ACOT6: variants seen among roughly 807,000 people sequenced by gnomAD.
ACOT6 encodes acyl-coenzyme A thioesterase 6.
ACOT6 carries 14 observed loss-of-function variants against 12.3 expected under a neutral mutation model. The ratio of observed to expected loss-of-function variants is 1.14; its 90% CI spans 0.75 to 1.78. The LOEUF is 1.78. Ranked by LOEUF, ACOT6 falls within the 40% of genes most tolerant of loss-of-function variation. The pLI, the probability that ACOT6 is intolerant of heterozygous loss-of-function variation, is 0.00. For synonymous variants in ACOT6, 218 were observed against 231.3 expected (o/e 0.94, Z 0.52); for missense variants, 523 against 551.8 (o/e 0.95, Z 0.52).
chr14:73,612,857 C>A lies in ACOT6; in HGVS notation c.286C>A (p.Arg96Ser). Residue 96 changes from arginine to serine, a missense_variant, in exon 1 of 3, where the codon CGC (arginine) becomes AGC (serine). Transcript: ENST00000645972. ...PEKALVRLVK[R>S]DVRTPFAVEL... ...GAAAGCCTTGGTGCGGCTGGTGAAGCGCGACGTGCGGACGCCCTTCGCCGT... is the reference window on the plus strand; with the variant it reads ...GAAAGCCTTGGTGCGGCTGGTGAAGAGCGACGTGCGGACGCCCTTCGCCGT... The A allele has an allele frequency of 7.1e-7, 1 of 1,408,844 alleles. No individual in the cohort carries two copies. Among genetic ancestry groups the A allele is most frequent in the Non-Finnish European group, 9.5e-7 (1 of 1,056,354 alleles). 87.3% of individuals were successfully genotyped at this position (1,408,844 alleles called of 1,614,324 possible).
At chr14:73,615,857 G>C (rs1404831700) in intron 1 of ACOT6, among the ~76,000 whole-genome samples, 1 of 152,144 alleles carries the variant, frequency 6.6e-6, no homozygotes, top group African/African-American at 2.4e-5. Context: ...CTTGAGGCCA[G>C]GAGTTTGAGA....
intron 2 of ACOT6, 168 bp downstream of exon 2, chr14:73,617,360 G>A: frequency 1.1e-6 from 1 of 937,670 alleles, no homozygotes; most frequent in East Asian, 2.5e-5. Flanking sequence ...TGCACCTGTA[G>A]TCCCAGCTAC....
chr14:73,618,005 T>C (rs575734040), intron 2 of ACOT6, among the ~76,000 whole-genome samples: 2 of 152,036 alleles, frequency 1.3e-5, no homozygotes, highest in East Asian at 3.9e-4. Context: ...TAGCTGGGCA[T>C]GGTGGTGCAC....
At chr14:73,615,771 G>C (rs1890527942) in intron 1 of ACOT6, among the ~76,000 whole-genome samples, 1 of 149,186 alleles carries the variant, frequency 6.7e-6, no homozygotes, top group South Asian at 2.1e-4. Context: ...AAACAAACAG[G>C]CTGAGTGCAG....
In ACOT6 at chr14:73,612,832, G is replaced by A; in HGVS notation, c.261G>A (p.Glu87=). The change falls in exon 1 of 3, where the codon GAG becomes GAA. Residue 87 remains glutamate (E), a synonymous_variant. Transcript: ENST00000645972. ...PMGLLWALEP[E]KALVRLVKRD... is the part of the protein sequence containing the mutation. ...GGCTGCTGTGGGCGTTGGAGCCCGA[G>A]AAAGCCTTGGTGCGGCTGGTGAAGC... The A allele has an allele frequency of 1.4e-6, 2 of 1,425,256 alleles. No homozygotes were observed. The highest frequency in any genetic ancestry group is 1.9e-6 in the Non-Finnish European group (2 of 1,072,560). 88.3% of individuals were successfully genotyped at this position (1,425,256 alleles called of 1,614,324 possible). A position where few individuals can be genotyped will look rare whatever the true frequency, so the allele number is the denominator to read the frequency against.
intron 1 of ACOT6, 113 bp from the exon 2 acceptor site, chr14:73,616,881 G>T (rs556969973): frequency 7.3e-5 from 42 of 574,290 alleles, no homozygotes; most frequent in Non-Finnish European, 1.1e-4. Context: ...AAGACATTTT[G>T]TTCTTTCTCT....
At position 73,619,396 on chromosome 14, in the gene ACOT6, C is replaced by T. The variant is rs755439022; in HGVS notation, c.823C>T (p.Leu275Phe). Residue 275 changes from leucine to phenylalanine, a missense_variant, in exon 3 of 3, where the codon CTT becomes TTT. Physicochemically the swap from Leu to Phe is conservative, Grantham distance 22 (BLOSUM62 0). Around this residue, in one of 2 missense-constraint regions of ACOT6, gnomAD observed 219 missense variants for 277.0 expected, o/e 0.79. Coordinates refer to ENST00000645972, the MANE Select transcript of ACOT6 (RefSeq NM_001365788.1). The part of the protein sequence containing the change: ...LHYKDMIIPK[L>F]VDDLGKVKIT... The stretch of plus-strand genomic sequence containing the variant: ...TTACAAGGATATGATTATTCCTAAA[C>T]TTGTCGATGATCTAGGAAAAGTAAA... 6.2e-7 allele frequency: 1 copy of T among 1,614,162 alleles called. No individual in the cohort carries two copies. Among genetic ancestry groups the T allele is most frequent in the Non-Finnish European group, 8.5e-7 (1 of 1,180,022 alleles).
Position 73,612,644 on chromosome 14 carries a change from G to T in ACOT6, c.73G>T (p.Gly25Cys). The change falls in exon 1 of 3, where the codon GGC (glycine) becomes TGC (cysteine). Residue 25 changes from glycine to cysteine, a missense_variant. Physicochemically the swap from Gly to Cys is radical, Grantham distance 159 (BLOSUM62 -3). Coordinates refer to ENST00000645972, the MANE Select transcript of ACOT6 (RefSeq NM_001365788.1). Reference sequence around the variant, plus strand: ...CGAGCCGCTGCGCATCGCAGTGCGCGGCCTGGCCCCGGAGCAGCCAGTCAC... The same window carrying T: ...CGAGCCGCTGCGCATCGCAGTGCGCTGCCTGGCCCCGGAGCAGCCAGTCAC... ...WDEPLRIAVRGLAPEQPVTLR... is the reference protein window; with the variant it reads ...WDEPLRIAVRCLAPEQPVTLR... The T allele has an allele frequency of 2.9e-6, 4 of 1,402,712 alleles. No homozygotes were observed. The highest frequency in any genetic ancestry group is 3.7e-6 in the Non-Finnish European group (4 of 1,078,816). 86.9% of individuals were successfully genotyped at this position (1,402,712 alleles called of 1,614,324 possible).
Position 73,619,725 on chromosome 14 carries a change from T to G in ACOT6, c.1152T>G (p.Tyr384Ter). 6.2e-7 allele frequency: 1 copy of G among 1,614,108 alleles called. No individual in the cohort carries two copies. The highest frequency in any genetic ancestry group is 8.5e-7 in the Non-Finnish European group (1 of 1,180,020). Residue 384 changes from tyrosine to a stop codon, truncating the protein, a stop_gained, in exon 3 of 3, where the codon TAT becomes TAG. Coordinates refer to ENST00000645972, the MANE Select transcript of ACOT6 (RefSeq NM_001365788.1). LOFTEE classifies it high-confidence loss of function. Reference protein sequence around the residue: ...VHAVLGEAIFYGGEPKAHSKA... With the variant: ...VHAVLGEAIF ...CTGTTTTGGGTGAGGCAATATTCTA[T>G]GGAGGTGAGCCAAAGGCTCACTCAA...
intron 1 of ACOT6, among the ~76,000 whole-genome samples, chr14:73,613,766 T>C (rs1316819548): frequency 1.3e-5 from 2 of 152,078 alleles, no homozygotes; most frequent in African/African-American, 4.8e-5. Flanking sequence ...TTGCTGAAAA[T>C]GTCTGTACTA....
At chr14:73,615,489 G>A (rs577964029) in intron 1 of ACOT6, among the ~76,000 whole-genome samples, 11 of 150,854 alleles carry the variant, frequency 7.3e-5, no homozygotes, top group African/African-American at 2.0e-4. Context: ...CCAACACTTC[G>A]GGAGGCCAAG....
Position 73,612,915 on chromosome 14 carries a change from A to G in ACOT6, c.344A>G (p.Glu115Gly). 3 of 1,357,040 alleles carry G rather than the reference A, an allele frequency of 2.2e-6. No homozygotes were observed. The highest frequency in any genetic ancestry group is 2.0e-6 in the Non-Finnish European group (2 of 1,016,184). 84.1% of individuals were successfully genotyped at this position (1,357,040 alleles called of 1,614,324 possible). A position where few individuals can be genotyped will look rare whatever the true frequency, so the allele number is the denominator to read the frequency against. The change falls in exon 1 of 3, where the codon GAG (glutamate) becomes GGG (glycine). Residue 115 changes from glutamate to glycine, a missense_variant. Physicochemically the swap from Glu to Gly is moderately conservative, Grantham distance 98. Coordinates refer to ENST00000645972, the MANE Select transcript of ACOT6 (RefSeq NM_001365788.1). ...ELEVLDGHDT[E>G]PGRLLCLAQN... ...GAAGTGCTGGACGGCCACGACACCG[A>G]GCCCGGGCGGCTGCTGTGCCTGGCG...
chr14:73,612,426 A>G (rs1288492172), upstream of ACOT6: 2 of 486,098 alleles, frequency 4.1e-6, no homozygotes, highest in Non-Finnish European at 6.6e-6. Context: ...CGCCCCACGC[A>G]GCGGCCTGGA....
At chr14:73,613,236 C>T (rs1566869989) in intron 1 of ACOT6, among the ~76,000 whole-genome samples, 1 of 152,140 alleles carries the variant, frequency 6.6e-6, no homozygotes, top group African/African-American at 2.4e-5. Flanking sequence ...AACTCCTGGG[C>T]TCAAGTCCTC....
At position 73,612,671 on chromosome 14, in the gene ACOT6, C is replaced by A; in HGVS notation, c.100C>A (p.Leu34Met). 7.1e-7 allele frequency: 1 copy of A among 1,411,220 alleles called. No homozygotes were observed. Among genetic ancestry groups the A allele is most frequent in the South Asian group, 1.5e-5 (1 of 67,142 alleles). The allele number at this position is 1,411,220 out of a possible 1,614,324, so 87.4% of individuals were successfully genotyped here. A position where few individuals can be genotyped will look rare whatever the true frequency, so the allele number is the denominator to read the frequency against. The change falls in exon 1 of 3, where the codon CTG (leucine) becomes ATG (methionine). Residue 34 changes from leucine to methionine, a missense_variant. By Grantham distance (15) the Leu-to-Met change is conservative. Around this residue, in one of 2 missense-constraint regions of ACOT6, gnomAD observed 304 missense variants for 274.8 expected, o/e 1.11. Coordinates refer to ENST00000645972, the MANE Select transcript of ACOT6 (RefSeq NM_001365788.1). ...CCTGGCCCCGGAGCAGCCAGTCACG[C>A]TGCGCACGTCCCTGCGCGACGAAGA... ...RGLAPEQPVT[L>M]RTSLRDEEGA...
At position 73,619,681 on chromosome 14, in the gene ACOT6, T is replaced by C. The variant is rs1566871786; in HGVS notation, c.1108T>C (p.Ser370Pro). ...HCIDPPYFPP[S>P]RASVHAVLGE... is the part of the protein sequence containing the mutation. ...TATTGACCCACCTTATTTTCCTCCTTCTAGAGCTTCTGTGCACGCTGTTTT... is the reference window on the plus strand; with the variant it reads ...TATTGACCCACCTTATTTTCCTCCTCCTAGAGCTTCTGTGCACGCTGTTTT... Residue 370 changes from serine to proline, a missense_variant, in exon 3 of 3, where the codon TCT (serine) becomes CCT (proline). By Grantham distance (74) the Ser-to-Pro change is moderately conservative (BLOSUM62 -1). Around this residue, in one of 2 missense-constraint regions of ACOT6, gnomAD observed 219 missense variants for 277.0 expected, o/e 0.79. Coordinates refer to ENST00000645972, the MANE Select transcript of ACOT6 (RefSeq NM_001365788.1). 6.2e-7 allele frequency: 1 copy of C among 1,614,168 alleles called. No individual in the cohort carries two copies. Among genetic ancestry groups the C allele is most frequent in the East Asian group, 2.2e-5 (1 of 44,878 alleles).
At chr14:73,617,287 A>G (rs1890557024) in intron 2 of ACOT6, 95 bp downstream of exon 2, 1 of 1,525,286 alleles carries the variant, frequency 6.6e-7, no homozygotes. Flanking sequence ...AGAACTAGAA[A>G]CATGCCAGGA....
chr14:73,619,552 C>A lies in ACOT6; in HGVS notation c.979C>A (p.Gln327Lys). ...CTTGTTTATTGTTGGCATGGATGAT[C>A]AAAGCTGGAAGAGTGAATTCTATGC... is the stretch of plus-strand genomic sequence containing the variant. ...PFLFIVGMDD[Q>K]SWKSEFYAQI... Residue 327 changes from glutamine (Q) to lysine (K), a missense_variant, in exon 3 of 3, where the codon CAA becomes AAA. By Grantham distance (53) the Gln-to-Lys change is moderately conservative (BLOSUM62 1). Around this residue, in one of 2 missense-constraint regions of ACOT6, gnomAD observed 219 missense variants for 277.0 expected, o/e 0.79. Coordinates refer to ENST00000645972, the MANE Select transcript of ACOT6 (RefSeq NM_001365788.1). 6.2e-7 allele frequency: 1 copy of A among 1,614,154 alleles called. No individual in the cohort carries two copies. Among genetic ancestry groups the A allele is most frequent in the South Asian group, 1.1e-5 (1 of 91,070 alleles).
intron 1 of ACOT6, 74 bp from the exon 2 acceptor site, chr14:73,616,920 G>A (rs1446689746): frequency 1.6e-5 from 9 of 572,364 alleles, no homozygotes. Context: ...AATCTCCTTG[G>A]CTTCAAAAAC....
Sources: gnomAD v4.1 joint callset for allele counts (sites outside exome capture counted in the v4.1 genomes callset) on GRCh38, gnomAD v4.1.1 for gene constraint, gnomAD v4.1.1 regional missense constraint, MANE v1.5 for transcripts, NCBI Gene and HGNC (gene_info 2026-07-23, HGNC 2026-07-21) for gene names.